MKX: variants seen among roughly 807,000 people sequenced by gnomAD.
The protein encoded by MKX is mohawk homeobox.
A neutral mutation model predicts 36.0 loss-of-function variants in MKX; 13 were observed. The ratio of observed to expected loss-of-function variants is 0.36; its 90% CI spans 0.24 to 0.57. MKX has a LOEUF of 0.57. Among genes scored for constraint, MKX ranks in the 20% least tolerant of loss-of-function variants. The pLI is 0.79. For synonymous variants in MKX, 176 were observed against 178.3 expected, an observed-to-expected ratio of 0.99 and a Z score of 0.10; for missense variants, 458 against 456.4, an observed-to-expected ratio of 1.00 and a Z score of -0.03.
intron 5 of MKX, among the ~76,000 whole-genome samples, chr10:27,686,077 A>C (rs1423357061): frequency 6.6e-6 from 1 of 152,182 alleles, no homozygotes; most frequent in Non-Finnish European, 1.5e-5. Context: ...AAGAGACTGC[A>C]ACTAAAGCCT....
At chr10:27,702,413 G>T (rs1178559747) in intron 5 of MKX, among the ~76,000 whole-genome samples, 2 of 152,232 alleles carry the variant, frequency 1.3e-5, no homozygotes, top group Non-Finnish European at 2.9e-5. Flanking sequence ...CCTTGAAGGA[G>T]TGAAGCCACT....
chr10:27,678,284 T>G (rs1350445258), intron 5 of MKX, among the ~76,000 whole-genome samples: 6 of 152,092 alleles, frequency 3.9e-5, no homozygotes, highest in Non-Finnish European at 8.8e-5. Flanking sequence ...AATTGGACAT[T>G]TTACAGAGGA....
At chr10:27,677,046 G>C (rs775168290) in intron 5 of MKX, among the ~76,000 whole-genome samples, 1 of 152,188 alleles carries the variant, frequency 6.6e-6, no homozygotes, top group South Asian at 2.1e-4. Context: ...GAAAGATGTA[G>C]GGTGGTAGGA....
At chr10:27,729,015 C>A (rs1353744320) in intron 5 of MKX, among the ~76,000 whole-genome samples, 1 of 152,174 alleles carries the variant, frequency 6.6e-6, no homozygotes, top group Non-Finnish European at 1.5e-5. Context: ...TAAACGACTT[C>A]TTTTTTCTCT....
chr10:27,730,083 T>C (rs138854487), intron 5 of MKX, among the ~76,000 whole-genome samples: 96 of 152,270 alleles, frequency 6.3e-4, no homozygotes, highest in Middle Eastern at 3.4e-3. Flanking sequence ...TAATTTTAAT[T>C]TAGATGACTT....
At chr10:27,706,105 C>T (rs1189564860) in intron 5 of MKX, among the ~76,000 whole-genome samples, 3 of 152,174 alleles carry the variant, frequency 2.0e-5, no homozygotes, top group African/African-American at 4.8e-5. Context: ...ATTCTAGGTA[C>T]CTCATACAAG....
intron 5 of MKX, among the ~76,000 whole-genome samples, chr10:27,685,715 G>C (rs1225728599): frequency 6.6e-6 from 1 of 152,156 alleles, no homozygotes; most frequent in Non-Finnish European, 1.5e-5. Flanking sequence ...CTCTCAAAGT[G>C]CTGGGATTAC....
At chr10:27,708,199 T>C (rs1836789790) in intron 5 of MKX, among the ~76,000 whole-genome samples, 1 of 152,196 alleles carries the variant, frequency 6.6e-6, no homozygotes, top group African/African-American at 2.4e-5. Flanking sequence ...TCACAAGAGA[T>C]GCTGGCCGTA....
At chr10:27,697,824 G>T (rs1157091948) in intron 5 of MKX, among the ~76,000 whole-genome samples, 4 of 152,160 alleles carry the variant, frequency 2.6e-5, no homozygotes, top group Non-Finnish European at 5.9e-5. Context: ...GAACAGAGGG[G>T]GGTTGGAGCA....
chr10:27,720,598 T>C (rs149289178), intron 5 of MKX, among the ~76,000 whole-genome samples: 13 of 152,284 alleles, frequency 8.5e-5, no homozygotes, highest in African/African-American at 3.1e-4. Flanking sequence ...GTTAAGTGTG[T>C]GGTTGGGGAG....
intron 5 of MKX, among the ~76,000 whole-genome samples, chr10:27,689,721 A>C (rs1465874333): frequency 6.6e-6 from 1 of 151,528 alleles, no homozygotes; most frequent in Non-Finnish European, 1.5e-5. Context: ...CTCCACTTTA[A>C]ATCTTGCCAA....
intron 5 of MKX, among the ~76,000 whole-genome samples, chr10:27,680,080 A>T (rs1277084063): frequency 1.3e-5 from 2 of 152,110 alleles, no homozygotes; most frequent in Admixed American, 1.3e-4. Flanking sequence ...GTTGTGAAAG[A>T]GGGAAAATGC....
chr10:27,711,457 TTCTTTC>T (rs1352789553), intron 5 of MKX, among the ~76,000 whole-genome samples: 1 of 9,652 alleles, frequency 1.0e-4, no homozygotes, highest in African/African-American at 3.2e-4. Context: ...CTTTCTTTCT[TTCTTTC>T]TTTCTTTCTT....
intron 5 of MKX, among the ~76,000 whole-genome samples, chr10:27,681,203 T>G (rs1433313327): frequency 6.6e-6 from 1 of 152,116 alleles, no homozygotes; most frequent in East Asian, 1.9e-4. Flanking sequence ...TCTCAGCACT[T>G]TGGGAGGCTG....
In MKX at chr10:27,673,108, A is replaced by G. The variant is rs534731765; in HGVS notation, c.*2121T>C. ...GTTAAAGCAGCAAAAGAAAAAATAA[A>G]TTAAAAAGTCATTGCAATTGGAGAT... On this transcript the variant is annotated 3_prime_UTR_variant, in exon 7 of 7. Coordinates refer to ENST00000419761, the MANE Select transcript of MKX (RefSeq NM_173576.3). 3.9e-5 allele frequency: 6 copies of G among 152,332 alleles called. No individual in the cohort carries two copies. The highest frequency in any genetic ancestry group is 1.4e-4 in the African/African-American group (6 of 41,576). 9.4% of individuals were successfully genotyped at this position (152,332 alleles called of 1,614,324 possible). A position where few individuals can be genotyped will look rare whatever the true frequency, so the allele number is the denominator to read the frequency against.
chr10:27,705,905 A>G (rs546408214), intron 5 of MKX, among the ~76,000 whole-genome samples: 1 of 152,320 alleles, frequency 6.6e-6, no homozygotes, highest in Admixed American at 6.5e-5. Flanking sequence ...CATTTTAACC[A>G]TTTTTAACTG....
chr10:27,735,417 T>C, intron 3 of MKX, 43 bp from the exon 4 acceptor site: 2 of 1,544,000 alleles, frequency 1.3e-6, no homozygotes, highest in Non-Finnish European at 1.8e-6. Context: ...TTAAAAACAT[T>C]ATCCATGGTG....
At chr10:27,725,592 CA>C (rs1564362412) in intron 5 of MKX, among the ~76,000 whole-genome samples, 1 of 148,356 alleles carries the variant, frequency 6.7e-6, no homozygotes, top group Non-Finnish European at 1.5e-5. Context: ...ATCAACAAGA[CA>C]AATTTTAACA....
intron 5 of MKX, among the ~76,000 whole-genome samples, chr10:27,706,545 C>CTCTGTG (rs1554771680): frequency 2.1e-5 from 3 of 144,898 alleles, no homozygotes. Context: ...TCGTTAATTC[C>CTCTGTG]TGTGTGTGTG....
Sources: gnomAD v4.1 joint callset for allele counts (sites outside exome capture counted in the v4.1 genomes callset) on GRCh38, gnomAD v4.1.1 for gene constraint, MANE v1.5 for transcripts, NCBI Gene and HGNC (gene_info 2026-07-23, HGNC 2026-07-21) for gene names.